The following SLAIN2 variants were observed in gnomAD, a reference collection of about 807,000 sequenced individuals.
SLAIN2 encodes the protein SLAIN family member 2.
Under a neutral mutation model 56.6 loss-of-function variants are expected in SLAIN2, and 31 were observed. That is an observed-to-expected ratio of 0.55 (90% CI 0.41 to 0.74). The LOEUF is 0.74. Among genes scored for constraint, SLAIN2 ranks in the 30% least tolerant of loss-of-function variants. The pLI, the probability that SLAIN2 is intolerant of heterozygous loss-of-function variation, is 0.00. For missense variants in SLAIN2, 777 were observed against 754.2 expected, an observed-to-expected ratio of 1.03 and a Z score of -0.35; for synonymous variants, 317 against 284.9, an observed-to-expected ratio of 1.11 and a Z score of -1.13.
rs1238647960 is a variant in SLAIN2, at chr4:48,379,845, G to A, written c.859G>A (p.Glu287Lys). 3.2e-6 allele frequency: 5 copies of A among 1,545,386 alleles called. No homozygotes were observed. ...ACAGATTCTAGCCCGGATGCAGGAAGAAAGTAAGTATTCTAATTGTTAAGA... is the reference window on the plus strand; with the variant it reads ...ACAGATTCTAGCCCGGATGCAGGAAAAAAGTAAGTATTCTAATTGTTAAGA... Reference protein sequence around the residue: ...DVQILARMQEESLRQEYAATT... With the variant: ...DVQILARMQEKSLRQEYAATT... Residue 287 changes from glutamate to lysine, a missense_variant, in exon 4 of 8, where the codon GAA (glutamate) becomes AAA (lysine). Physicochemically the swap from Glu to Lys is moderately conservative, Grantham distance 56. Coordinates refer to ENST00000264313, the MANE Select transcript of SLAIN2 (RefSeq NM_020846.2).
At chr4:48,357,843 CCGCACCCGGCCCCACTGATGTTTT>C (rs1715202086) in intron 1 of SLAIN2, among the ~76,000 whole-genome samples, 1 of 152,164 alleles carries the variant, frequency 6.6e-6, no homozygotes. Flanking sequence ...GCATGAGCCA[CCGCACCCGGCCCCACTGATGTTTT>C]TAAAAAACTT....
intron 2 of SLAIN2, among the ~76,000 whole-genome samples, chr4:48,374,236 T>C (rs1715744588): frequency 1.3e-5 from 2 of 152,226 alleles, no homozygotes; most frequent in South Asian, 2.1e-4. Flanking sequence ...TTGTGGACTT[T>C]ATTCTTTTTC....
intron 6 of SLAIN2, among the ~76,000 whole-genome samples, chr4:48,385,698 A>G (rs896206335): frequency 4.6e-5 from 7 of 151,534 alleles, no homozygotes; most frequent in African/African-American, 1.7e-4. Context: ...CAGTGGCACA[A>G]TCATGGCTCA....
In SLAIN2 at chr4:48,418,627, C is replaced by T. The variant is rs1388005566; in HGVS notation, c.1361-1498C>T. On this transcript the variant is annotated intron_variant, in intron 6 of 7. Coordinates refer to ENST00000264313, the MANE Select transcript of SLAIN2 (RefSeq NM_020846.2). ...CGAAGTTTTCTTTTTTGATACTGTCCTTTTCTAGTTTTGGTATCTCAGTAA... is the reference window on the plus strand; with the variant it reads ...CGAAGTTTTCTTTTTTGATACTGTCTTTTTCTAGTTTTGGTATCTCAGTAA... Among the ~76,000 whole-genome samples the T allele has an allele frequency of 1.3e-4, 20 of 151,810 alleles. 1 individual carries two copies. Among genetic ancestry groups the T allele is most frequent in the Admixed American group, 1.2e-3 (18 of 15,232 alleles).
chr4:48,398,429 C>G (rs1716465653), intron 6 of SLAIN2, among the ~76,000 whole-genome samples: 1 of 151,996 alleles, frequency 6.6e-6, no homozygotes, highest in Non-Finnish European at 1.5e-5. Flanking sequence ...CAAAAACTTT[C>G]TCCCATTCTG....
rs141762005 is a variant in SLAIN2 at position 48,373,833 on chromosome 4, G to A, written c.538+3836G>A. ...AGGTGGGCGGATCACCTGAGGTTGG[G>A]AGTTCGAGACCAGCCTGACCAACAT... On this transcript the variant is annotated intron_variant, in intron 2 of 7. Coordinates refer to ENST00000264313, the MANE Select transcript of SLAIN2 (RefSeq NM_020846.2). Among the ~76,000 whole-genome samples the A allele has an allele frequency of 2.4e-3, 360 of 152,240 alleles. 1 individual carries two copies. Among genetic ancestry groups the A allele is most frequent in the Non-Finnish European group, 4.1e-3 (281 of 68,020 alleles).
chr4:48,411,037 G>A (rs774315586), intron 6 of SLAIN2, among the ~76,000 whole-genome samples: 9 of 152,076 alleles, frequency 5.9e-5, no homozygotes, highest in African/African-American at 2.4e-5. Context: ...ACCCCTGACC[G>A]TGAATACTTG....
chr4:48,360,565 T>C (rs1324219103), intron 1 of SLAIN2, among the ~76,000 whole-genome samples: 1 of 152,054 alleles, frequency 6.6e-6, no homozygotes, highest in Non-Finnish European at 1.5e-5. Context: ...ACACTCTAGC[T>C]TGGGTGATGA....
chr4:48,418,033 A>G (rs1182986104), intron 6 of SLAIN2, among the ~76,000 whole-genome samples: 8 of 151,934 alleles, frequency 5.3e-5, no homozygotes, highest in Admixed American at 6.6e-5. Flanking sequence ...TGTGTAGACA[A>G]CCATGGGGAC....
intron 1 of SLAIN2, among the ~76,000 whole-genome samples, chr4:48,368,623 A>G (rs1430419532): frequency 6.6e-6 from 1 of 152,236 alleles, no homozygotes; most frequent in African/African-American, 2.4e-5. Flanking sequence ...TTGCTGAGGT[A>G]GAGATTTTTC....
At chr4:48,372,613 T>C (rs1382923467) in intron 2 of SLAIN2, among the ~76,000 whole-genome samples, 1 of 152,182 alleles carries the variant, frequency 6.6e-6, no homozygotes, top group Non-Finnish European at 1.5e-5. Flanking sequence ...ACCTCAAAAA[T>C]AGCAATTTTG....
chr4:48,388,157 G>A (rs1716148535), intron 6 of SLAIN2, among the ~76,000 whole-genome samples: 1 of 152,052 alleles, frequency 6.6e-6, no homozygotes, highest in African/African-American at 2.4e-5. Context: ...TGCTGGCATT[G>A]AAATATGAGA....
At chr4:48,406,523 CTCTTTT>C (rs1047162543) in intron 6 of SLAIN2, among the ~76,000 whole-genome samples, 2 of 114,174 alleles carry the variant, frequency 1.8e-5, no homozygotes, top group African/African-American at 6.0e-5. Flanking sequence ...TGCTCTCTCT[CTCTTTT>C]TTTTTTTTTT....
chr4:48,404,674 G>T (rs9291323), intron 6 of SLAIN2, among the ~76,000 whole-genome samples: 88,431 of 152,024 alleles, frequency 0.58, 26,273 homozygotes, highest in South Asian at 0.71. Flanking sequence ...ACATTATAGG[G>T]TTTATTTTAC....
At chr4:48,348,155 G>A (rs1416963520) in intron 1 of SLAIN2, among the ~76,000 whole-genome samples, 8 of 152,204 alleles carry the variant, frequency 5.3e-5, no homozygotes, top group South Asian at 4.1e-4. Flanking sequence ...ACTGTTCATC[G>A]CTAGACTAAT....
intron 6 of SLAIN2, among the ~76,000 whole-genome samples, chr4:48,411,397 T>C (rs1198734260): frequency 6.6e-6 from 1 of 152,200 alleles, no homozygotes; most frequent in Non-Finnish European, 1.5e-5. Flanking sequence ...CTAAGAACTT[T>C]ATGGGTTAGC....
chr4:48,415,365 A>G (rs1716972182), intron 6 of SLAIN2, among the ~76,000 whole-genome samples: 1 of 65,584 alleles, frequency 1.5e-5, no homozygotes, highest in Admixed American at 1.5e-4. Flanking sequence ...TTCTTTTGAG[A>G]AGTGTCTGTT....
rs188127820 is a variant in SLAIN2, at chr4:48,361,657, T to G, written c.390-8192T>G. 1.1e-4 allele frequency among the ~76,000 whole-genome samples: 16 copies of G among 152,346 alleles called. No homozygotes were observed. The East Asian group carries it at 2.9e-3, about 28-fold the overall frequency. ...TTTCCAAAATTGTTTTATCCGTTCTTTGGCCTTTGCATTTTTATATAAATT... is the reference window on the plus strand; with the variant it reads ...TTTCCAAAATTGTTTTATCCGTTCTGTGGCCTTTGCATTTTTATATAAATT... On this transcript the variant is annotated intron_variant, in intron 1 of 7. Coordinates refer to ENST00000264313, the MANE Select transcript of SLAIN2 (RefSeq NM_020846.2).
At chr4:48,394,950 A>G (rs1312379406) in intron 6 of SLAIN2, among the ~76,000 whole-genome samples, 4 of 152,194 alleles carry the variant, frequency 2.6e-5, no homozygotes, top group African/African-American at 7.2e-5. Context: ...TGAACTTCAT[A>G]AGTGCTTTAA....
Sources: gnomAD v4.1 joint callset for allele counts (sites outside exome capture counted in the v4.1 genomes callset) on GRCh38, gnomAD v4.1.1 for gene constraint, MANE v1.5 for transcripts, NCBI Gene and HGNC (gene_info 2026-07-23, HGNC 2026-07-21) for gene names.